MAML2: variants seen among roughly 807,000 people sequenced by gnomAD.
MAML2 encodes the protein mastermind like transcriptional coactivator 2, also known as mastermind-like protein 2.
In MAML2, 22 loss-of-function variants were observed where a neutral mutation model predicts 96.1. The observed-to-expected ratio is 0.23, with a 90% CI of 0.16 to 0.33. MAML2 has a LOEUF of 0.33. MAML2 is among the 10% of genes least tolerant of loss of function. The probability of loss-of-function intolerance (pLI) is 1.00; values close to 1 mark genes in which losing one functional copy is unlikely to be tolerated. For missense variants in MAML2, 1,367 were observed against 1,392.4 expected (o/e 0.98, Z 0.29); for synonymous variants, 561 against 521.3 (o/e 1.08, Z -1.04).
chr11:96,313,727 T>C (rs959946459), intron 1 of MAML2, among the ~76,000 whole-genome samples: 5 of 152,190 alleles, frequency 3.3e-5, no homozygotes, highest in African/African-American at 1.2e-4. Flanking sequence ...CCATATATTT[T>C]TAAGGTGTTT....
intron 1 of MAML2, among the ~76,000 whole-genome samples, chr11:96,299,419 G>A (rs189856030): frequency 3.9e-5 from 6 of 152,010 alleles, no homozygotes; most frequent in Non-Finnish European, 7.4e-5. Context: ...TGAAGTCGCA[G>A]AGGCTGCCGG....
chr11:96,125,358 T>G (rs1435244931), intron 1 of MAML2, among the ~76,000 whole-genome samples: 1 of 152,104 alleles, frequency 6.6e-6, no homozygotes, highest in Admixed American at 6.5e-5. Context: ...TCTCCAAGTC[T>G]CAGCATCTGA....
At chr11:96,289,180 A>T (rs777779583) in intron 1 of MAML2, among the ~76,000 whole-genome samples, 1 of 152,240 alleles carries the variant, frequency 6.6e-6, no homozygotes, top group Non-Finnish European at 1.5e-5. Context: ...TTCTAAAAAT[A>T]CGACTGGGAA....
chr11:96,029,162 CG>C (rs1386828688), intron 2 of MAML2, among the ~76,000 whole-genome samples: 5 of 93,282 alleles, frequency 5.4e-5, no homozygotes, highest in Non-Finnish European at 8.6e-5. Context: ...AAGAGTGAAA[CG>C]GTTTTTTTTT....
At chr11:96,026,265 G>A (rs888256754) in intron 2 of MAML2, among the ~76,000 whole-genome samples, 18 of 152,166 alleles carry the variant, frequency 1.2e-4, no homozygotes, top group African/African-American at 2.4e-4. Flanking sequence ...GCAGCCCTGC[G>A]GCTAAAGTTT....
At chr11:96,068,712 C>T (rs952932383) in intron 2 of MAML2, among the ~76,000 whole-genome samples, 1 of 151,786 alleles carries the variant, frequency 6.6e-6, no homozygotes, top group African/African-American at 2.4e-5. Flanking sequence ...CACCTGTAGT[C>T]CCAGCTACTC....
chr11:96,320,128 C>T (rs1175774403), intron 1 of MAML2, among the ~76,000 whole-genome samples: 2 of 152,138 alleles, frequency 1.3e-5, no homozygotes, highest in African/African-American at 4.8e-5. Flanking sequence ...CCACCAAAGG[C>T]GTTTTATGAG....
At chr11:96,216,319 T>C (rs1270807671) in intron 1 of MAML2, among the ~76,000 whole-genome samples, 1 of 152,198 alleles carries the variant, frequency 6.6e-6, no homozygotes, top group African/African-American at 2.4e-5. Context: ...CCCTAAAGTC[T>C]ATGGCCCTGA....
intron 1 of MAML2, among the ~76,000 whole-genome samples, chr11:96,269,344 T>C (rs1366948696): frequency 1.4e-5 from 2 of 144,664 alleles, no homozygotes; most frequent in Non-Finnish European, 3.0e-5. Context: ...CAGCTCTCCA[T>C]TCAGCCTAAA....
intron 2 of MAML2, among the ~76,000 whole-genome samples, chr11:96,058,255 A>C (rs1859099921): frequency 6.6e-6 from 1 of 152,184 alleles, no homozygotes. Context: ...TTATCCCCAG[A>C]AAAGGAGGCA....
intron 1 of MAML2, among the ~76,000 whole-genome samples, chr11:96,185,812 T>C (rs1357667011): frequency 1.3e-5 from 2 of 152,210 alleles, no homozygotes; most frequent in African/African-American, 4.8e-5. Flanking sequence ...CTGGTCTTTG[T>C]TTTTATACAT....
In MAML2 at chr11:96,143,619, C is replaced by T. The variant is rs12789038; in HGVS notation, c.514-50102G>A. 9.9e-3 allele frequency among the ~76,000 whole-genome samples: 1,505 copies of T among 152,160 alleles called. 16 individuals are homozygous for T. Among genetic ancestry groups the T allele is most frequent in the Non-Finnish European group, 0.016 (1,103 of 68,010 alleles). On this transcript the variant is annotated intron_variant, in intron 1 of 4. Transcript: ENST00000524717. ...CTTTCCTTCCCTGTTCTAATTTGTC[C>T]CTGTTCAGAGACAAATAAATTGGAA...
intron 1 of MAML2, among the ~76,000 whole-genome samples, chr11:96,244,111 A>G (rs1483923374): frequency 6.6e-6 from 1 of 152,214 alleles, no homozygotes. Flanking sequence ...ACAAATTAAT[A>G]AAAACTTGGG....
intron 2 of MAML2, among the ~76,000 whole-genome samples, chr11:96,086,070 T>C (rs1200507777): frequency 6.6e-6 from 1 of 152,208 alleles, no homozygotes; most frequent in East Asian, 1.9e-4. Context: ...TTGTTAAGGA[T>C]TGAGAAAACG....
At chr11:96,097,292 T>C (rs1405397142) in intron 1 of MAML2, among the ~76,000 whole-genome samples, 1 of 152,100 alleles carries the variant, frequency 6.6e-6, no homozygotes, top group Non-Finnish European at 1.5e-5. Context: ...AATAAAGCTC[T>C]AAGGGAACAA....
intron 1 of MAML2, among the ~76,000 whole-genome samples, chr11:96,221,398 C>T (rs908979146): frequency 1.3e-5 from 2 of 152,156 alleles, no homozygotes; most frequent in Admixed American, 1.3e-4. Flanking sequence ...GGAACAAAAT[C>T]CCACTTCTGC....
At chr11:96,081,707 G>A (rs78874854) in intron 2 of MAML2, among the ~76,000 whole-genome samples, 2,413 of 152,250 alleles carry the variant, frequency 0.016, 70 homozygotes, top group African/African-American at 0.055. Flanking sequence ...CCTTCAAGGC[G>A]CAGGCCCTGT....
At chr11:96,085,079 C>A (rs1009640653) in intron 2 of MAML2, among the ~76,000 whole-genome samples, 10 of 152,146 alleles carry the variant, frequency 6.6e-5, no homozygotes, top group African/African-American at 2.4e-4. Context: ...AATTAGGCAC[C>A]ACTTTATTGT....
chr11:96,059,149 A>G (rs55926611), intron 2 of MAML2, among the ~76,000 whole-genome samples: 22,602 of 152,206 alleles, frequency 0.15, 1,841 homozygotes, highest in South Asian at 0.21. Flanking sequence ...CAATTTACCT[A>G]GGGTAAGTTA....
Sources: gnomAD v4.1 joint callset for allele counts (sites outside exome capture counted in the v4.1 genomes callset) on GRCh38, gnomAD v4.1.1 for gene constraint, MANE v1.5 for transcripts, NCBI Gene and HGNC (gene_info 2026-07-23, HGNC 2026-07-21) for gene names.